Variants in FILIP1 observed in about 807,000 individuals in gnomAD.
FILIP1 encodes the protein filamin A interacting protein 1.
A neutral mutation model predicts 102.1 loss-of-function variants in FILIP1; 61 were observed. The observed-to-expected ratio is 0.60, with a 90% CI of 0.49 to 0.74. FILIP1 has a LOEUF of 0.74. Among genes scored for constraint, FILIP1 ranks in the 30% least tolerant of loss-of-function variants. FILIP1 has a pLI of 0.00. For missense variants in FILIP1, 1,314 were observed against 1,441.2 expected, an observed-to-expected ratio of 0.91 and a Z score of 1.43; for synonymous variants, 491 against 526.9, an observed-to-expected ratio of 0.93 and a Z score of 0.93.
chr6:75,316,123 T>C (rs1036916575), intron 4 of FILIP1, among the ~76,000 whole-genome samples: 1 of 152,236 alleles, frequency 6.6e-6, no homozygotes, highest in African/African-American at 2.4e-5. Flanking sequence ...ATTTTCTCTA[T>C]GGCATTTATG....
At chr6:75,311,604 C>T (rs1209868815) in intron 5 of FILIP1, among the ~76,000 whole-genome samples, 1 of 152,176 alleles carries the variant, frequency 6.6e-6, no homozygotes, top group Admixed American at 6.5e-5. Flanking sequence ...TCAAGTGATT[C>T]TCCTGCCTCA....
chr6:75,400,196 C>T (rs1776603872), intron 2 of FILIP1, among the ~76,000 whole-genome samples: 1 of 152,110 alleles, frequency 6.6e-6, no homozygotes, highest in South Asian at 2.1e-4. Flanking sequence ...GGTCGCTATG[C>T]TGAAGGTTCC....
chr6:75,330,310 A>C (rs1774030460), intron 4 of FILIP1, among the ~76,000 whole-genome samples: 1 of 152,184 alleles, frequency 6.6e-6, no homozygotes, highest in South Asian at 2.1e-4. Context: ...TAAATGGTGA[A>C]TCCTTCCCAA....
intron 3 of FILIP1, among the ~76,000 whole-genome samples, chr6:75,356,582 C>A (rs775696805): frequency 2.0e-4 from 30 of 152,092 alleles, no homozygotes; most frequent in Non-Finnish European, 3.7e-4. Flanking sequence ...AATTCTCCTG[C>A]CTCAGCCTCC....
At position 75,489,603 on chromosome 6, in the gene FILIP1, C is replaced by T. The variant is rs552468203; in HGVS notation, c.-7+3811G>A. Among the ~76,000 whole-genome samples, 16 of 152,036 alleles carry T rather than the reference C, an allele frequency of 1.1e-4. No homozygotes were observed. In the South Asian group the frequency reaches 2.7e-3, roughly 26 times the overall value. On this transcript the variant is annotated intron_variant, in intron 1 of 5. Coordinates refer to ENST00000237172, the MANE Select transcript of FILIP1 (RefSeq NM_015687.5). ...TTCATAAGGAAATAGCATTATTACCCTCTTTTTACAGATGAAGAAACTGAG... is the reference window on the plus strand; with the variant it reads ...TTCATAAGGAAATAGCATTATTACCTTCTTTTTACAGATGAAGAAACTGAG...
Position 75,300,842 on chromosome 6 carries a change from G to A in FILIP1, c.3494-4892C>T, listed in dbSNP as rs552194775. Among the ~76,000 whole-genome samples, 4 of 152,194 alleles carry A rather than the reference G, an allele frequency of 2.6e-5. No individual in the cohort carries two copies. In the South Asian group the frequency reaches 8.3e-4, roughly 32 times the overall value. ...CAGCAGATTTCCCACTCTACCATCAGCCCAAATTATCTCCTTACCTCCCCA... is the reference window on the plus strand; with the variant it reads ...CAGCAGATTTCCCACTCTACCATCAACCCAAATTATCTCCTTACCTCCCCA... On this transcript the variant is annotated intron_variant, in intron 6 of 6. Transcript: ENST00000393004.
intron 1 of FILIP1, among the ~76,000 whole-genome samples, chr6:75,487,895 C>T (rs1466197341): frequency 6.6e-6 from 1 of 151,994 alleles, no homozygotes; most frequent in African/African-American, 2.4e-5. Flanking sequence ...AGTGAAGCAA[C>T]AATCATCGTT....
chr6:75,491,270 G>C (rs1779947825), intron 1 of FILIP1, among the ~76,000 whole-genome samples: 1 of 152,096 alleles, frequency 6.6e-6, no homozygotes, highest in Non-Finnish European at 1.5e-5. Context: ...TGTTCACTGA[G>C]TATGTGTTTG....
intron 1 of FILIP1, among the ~76,000 whole-genome samples, chr6:75,472,067 A>C (rs1166222942): frequency 6.6e-6 from 1 of 152,160 alleles, no homozygotes; most frequent in East Asian, 1.9e-4. Context: ...AAAGTACTGC[A>C]AGCAATTTGC....
At chr6:75,388,257 A>G (rs977136872) in intron 2 of FILIP1, among the ~76,000 whole-genome samples, 3 of 152,298 alleles carry the variant, frequency 2.0e-5, no homozygotes, top group Middle Eastern at 3.4e-3. Flanking sequence ...TTTTGGTACC[A>G]GTACCATGCT....
chr6:75,406,900 C>T (rs1240310081), intron 2 of FILIP1, among the ~76,000 whole-genome samples: 1 of 152,062 alleles, frequency 6.6e-6, no homozygotes, highest in African/African-American at 2.4e-5. Context: ...CTTCGTGATC[C>T]ACCCACCTCA....
intron 1 of FILIP1, among the ~76,000 whole-genome samples, chr6:75,493,040 A>G (rs556504104): frequency 1.3e-5 from 2 of 152,228 alleles, no homozygotes; most frequent in Non-Finnish European, 2.9e-5. Flanking sequence ...AGTAAATGAA[A>G]GTTATTTTAC....
At chr6:75,402,103 C>CT (rs1021144450) in intron 2 of FILIP1, among the ~76,000 whole-genome samples, 5 of 152,146 alleles carry the variant, frequency 3.3e-5, no homozygotes, top group African/African-American at 7.2e-5. Flanking sequence ...ATTAATATGT[C>CT]TTTTTTTACA....
At chr6:75,359,863 G>C (rs1012957497) in intron 3 of FILIP1, among the ~76,000 whole-genome samples, 2 of 152,138 alleles carry the variant, frequency 1.3e-5, no homozygotes, top group Non-Finnish European at 2.9e-5. Flanking sequence ...GGCTTCCTAG[G>C]CCTGGGAACA....
chr6:75,327,690 A>G (rs1327864772), intron 4 of FILIP1, among the ~76,000 whole-genome samples: 7 of 151,616 alleles, frequency 4.6e-5, no homozygotes, highest in Non-Finnish European at 1.0e-4. Flanking sequence ...ACATTAAGAG[A>G]TATATATTAA....
intron 4 of FILIP1, among the ~76,000 whole-genome samples, chr6:75,318,923 AT>A (rs1773538469): frequency 6.6e-6 from 1 of 152,156 alleles, no homozygotes; most frequent in Non-Finnish European, 1.5e-5. Context: ...AGTTTAAAAA[AT>A]CTTACACAGC....
intron 1 of FILIP1, among the ~76,000 whole-genome samples, chr6:75,426,052 A>G (rs1053643966): frequency 6.6e-6 from 1 of 152,178 alleles, no homozygotes; most frequent in African/African-American, 2.4e-5. Context: ...CTATTGTAGC[A>G]CAAAAGCAGC....
chr6:75,302,823 CATGATATGATATGATATGATATGAT>C (rs61429237), intron 6 of FILIP1, among the ~76,000 whole-genome samples: 2 of 149,100 alleles, frequency 1.3e-5, no homozygotes, highest in Admixed American at 6.7e-5. Context: ...TATGATATGA[CATGATATGATATGATATGATATGAT>C]ATGATATGAT....
At chr6:75,318,667 T>G (rs931616327) in intron 4 of FILIP1, among the ~76,000 whole-genome samples, 6 of 152,190 alleles carry the variant, frequency 3.9e-5, no homozygotes, top group African/African-American at 1.4e-4. Flanking sequence ...TGGTATTCAG[T>G]TAACAGAACA....
Sources: allele counts gnomAD v4.1 joint callset (sites outside exome capture counted in the v4.1 genomes callset), GRCh38; gene constraint gnomAD v4.1.1; transcripts MANE v1.5; gene names NCBI Gene and HGNC (gene_info 2026-07-23, HGNC 2026-07-21).